Variants in OC90 observed in about 807,000 individuals in gnomAD.
OC90 encodes otoconin 90, also known as otoconin-90.
Under a neutral mutation model 47.3 loss-of-function variants are expected in OC90, and 46 were observed. That is an observed-to-expected ratio of 0.97 (90% CI 0.77 to 1.24). OC90 has a LOEUF of 1.24. Among genes scored for constraint, OC90 ranks in the 50% most tolerant of loss-of-function variants. The pLI is 0.00. For synonymous variants in OC90, 271 were observed against 219.5 expected (o/e 1.23, Z -2.07); for missense variants, 688 against 583.9 (o/e 1.18, Z -1.84).
chr8:132,041,706 GGGT>G lies in OC90; in HGVS notation c.170-10_170-8del. On this transcript the variant is annotated splice_region_variant and splice_polypyrimidine_tract_variant and intron_variant, in intron 4 of 13. Coordinates refer to ENST00000254627, the MANE Select transcript of OC90 (RefSeq NM_001080399.3). ...AAGTGGGGGCCCAGGCAATCTGTGG[GGGT>G]GGGGGGCAGGGCCTGATAAGCACTG... The G allele has an allele frequency of 1.3e-6, 2 of 1,522,452 alleles. No homozygotes were observed. Among genetic ancestry groups the G allele is most frequent in the Admixed American group, 1.7e-5 (1 of 58,652 alleles). 94.3% of individuals were successfully genotyped at this position (1,522,452 alleles called of 1,614,324 possible).
intron 9 of OC90, among the ~76,000 whole-genome samples, chr8:132,035,399 C>T (rs1468028496): frequency 3.3e-5 from 5 of 152,156 alleles, no homozygotes; most frequent in Admixed American, 2.0e-4. Flanking sequence ...AGAAAGGAGA[C>T]ACACAGAAAA....
chr8:132,033,287 A>G, intron 10 of OC90, 123 bp from the exon 11 acceptor site: 1 of 1,004,376 alleles, frequency 1.0e-6, no homozygotes, highest in Non-Finnish European at 1.5e-6. Context: ...ATGTTCCTCA[A>G]ACTGGGTTTG....
chr8:132,024,732 G>A lies in OC90; in HGVS notation c.1183C>T (p.Gln395Ter). The change falls in exon 14 of 14, where the codon CAG becomes TAG. Residue 395 changes from glutamine to a stop codon, truncating the protein, a stop_gained. Transcript: ENST00000254627. LOFTEE classifies it low-confidence loss of function (END_TRUNC). ...LCEKLLCACD[Q>*]TAAECMTSAS... ...GAGGTCATGCACTCAGCTGCCGTCT[G>A]GTCACAGGCACAGAGCAACTTCTCA... is the stretch of plus-strand genomic sequence containing the variant. 1 of 1,613,836 alleles carries A rather than the reference G, an allele frequency of 6.2e-7. No homozygotes were observed. Among genetic ancestry groups the A allele is most frequent in the Non-Finnish European group, 8.5e-7 (1 of 1,179,818 alleles).
In OC90 at chr8:132,039,019, A is replaced by C; in HGVS notation, c.562T>G (p.Ser188Ala). 1 of 1,613,954 alleles carries C rather than the reference A, an allele frequency of 6.2e-7. No homozygotes were observed. Among genetic ancestry groups the C allele is most frequent in the Non-Finnish European group, 8.5e-7 (1 of 1,179,868 alleles). ...CCTGGAGTCTGAGCCAGGCAGAAGG[A>C]GGTGTCCAGAAGGTTCAGGGAAGAG... is the stretch of plus-strand genomic sequence containing the variant. ...LNSSLNLLDT[S>A]FCLAQTPETT... Residue 188 changes from serine (S) to alanine (A), a missense_variant, in exon 7 of 14, where the codon TCC (serine) becomes GCC (alanine). By Grantham distance (99) the Ser-to-Ala change is moderately conservative (BLOSUM62 1). Coordinates refer to ENST00000254627, the MANE Select transcript of OC90 (RefSeq NM_001080399.3).
intron 6 of OC90, among the ~76,000 whole-genome samples, chr8:132,040,628 C>A (rs1037402031): frequency 1.3e-5 from 2 of 152,186 alleles, no homozygotes; most frequent in African/African-American, 4.8e-5. Context: ...GCTCCCTGTG[C>A]TAACCATTTC....
chr8:132,041,457 C>T (rs1823051267), intron 5 of OC90, 68 bp downstream of exon 5: 2 of 1,416,870 alleles, frequency 1.4e-6, no homozygotes, highest in Admixed American at 4.2e-5. Context: ...GTGCTCTTGC[C>T]AAGGTATCAG....
chr8:132,044,531 C>CT (rs915219889), intron 3 of OC90, 42 bp from the exon 4 acceptor site: 3 of 1,076,076 alleles, frequency 2.8e-6, no homozygotes, highest in African/African-American at 1.6e-5. Context: ...TTGGTTTTTC[C>CT]TTTTTTTCAC....
chr8:132,041,575 A>G lies in OC90; in HGVS notation c.294T>C (p.Gly98=), dbSNP rs201820140. ...CTTCCATCTCAAACCTGCAGGTGCAACCATAGTCTTCAAAGTCTCGGGGGC... is the reference window on the plus strand; with the variant it reads ...CTTCCATCTCAAACCTGCAGGTGCAGCCATAGTCTTCAAAGTCTCGGGGGC... ...GLCPRDFEDY[G]CTCRFEMEGL... is the part of the protein sequence containing the mutation. The change falls in exon 5 of 14, where the codon GGT becomes GGC. Residue 98 remains glycine, a synonymous_variant. Coordinates refer to ENST00000254627, the MANE Select transcript of OC90 (RefSeq NM_001080399.3). The G allele has an allele frequency of 6.5e-5, 105 of 1,612,488 alleles. 1 individual carries two copies. The South Asian group carries it at 1.1e-3, about 17-fold the overall frequency.
At chr8:132,049,790 C>G in intron 2 of OC90, 1 of 515,750 alleles carries the variant, frequency 1.9e-6, no homozygotes, top group South Asian at 1.4e-5. Flanking sequence ...AGCCAAACCA[C>G]TTAATGAACA....
intron 2 of OC90, among the ~76,000 whole-genome samples, chr8:132,052,352 T>A (rs929356895): frequency 6.6e-6 from 1 of 152,192 alleles, no homozygotes; most frequent in Non-Finnish European, 1.5e-5. Context: ...TTAATCAGCG[T>A]AATAACCAGC....
At position 132,044,605 on chromosome 8, in the gene OC90, T is replaced by C. The variant is rs887286752; in HGVS notation, c.113-116A>G. 19 of 659,920 alleles carry C rather than the reference T, an allele frequency of 2.9e-5. No homozygotes were observed. The African/African-American group carries it at 3.5e-4, about 12-fold the overall frequency. 40.9% of individuals were successfully genotyped at this position (659,920 alleles called of 1,614,324 possible). On this transcript the variant is annotated intron_variant, in intron 3 of 13. Transcript: ENST00000254627. ...TTTCTTCATTCTCCAAAGAAAAAAT[T>C]GACCTTGGGCTAAGCTAGCTTTCTA...
intron 7 of OC90, 81 bp downstream of exon 7, chr8:132,038,914 G>C: frequency 1.2e-6 from 2 of 1,604,788 alleles, no homozygotes; most frequent in Non-Finnish European, 1.7e-6. Flanking sequence ...GGCATCTAGA[G>C]ACATGAAGCA....
intron 8 of OC90, 66 bp downstream of exon 8, chr8:132,038,724 T>A (rs1823006151): frequency 7.8e-7 from 1 of 1,277,836 alleles, no homozygotes; most frequent in East Asian, 2.3e-5. Flanking sequence ...AGGAGGTGTA[T>A]CCACCGGCTC....
intron 9 of OC90, 113 bp from the exon 10 acceptor site, chr8:132,034,947 G>T (rs910684636): frequency 4.3e-6 from 3 of 694,426 alleles, no homozygotes; most frequent in South Asian, 3.7e-5. Flanking sequence ...TCTTCACTCT[G>T]CCCCTGGCCC....
chr8:132,043,032 G>A (rs1390629232), intron 4 of OC90, among the ~76,000 whole-genome samples: 8 of 152,098 alleles, frequency 5.3e-5, no homozygotes, highest in African/African-American at 1.7e-4. Context: ...CATCAACAGC[G>A]GATTGGATAA....
chr8:132,058,994 C>T (rs1823312108), intron 1 of OC90, among the ~76,000 whole-genome samples: 1 of 152,032 alleles, frequency 6.6e-6, no homozygotes, highest in African/African-American at 2.4e-5. Flanking sequence ...ATCCTCCATT[C>T]ATTTATCTCC....
intron 13 of OC90, among the ~76,000 whole-genome samples, chr8:132,025,755 T>C (rs1586704234): frequency 6.6e-6 from 1 of 152,342 alleles, no homozygotes; most frequent in Non-Finnish European, 1.5e-5. Flanking sequence ...GATGTACTTC[T>C]GTCTCTTGGC....
chr8:132,053,632 C>A (rs940341400), intron 2 of OC90, among the ~76,000 whole-genome samples: 4 of 152,216 alleles, frequency 2.6e-5, no homozygotes, highest in Non-Finnish European at 5.9e-5. Flanking sequence ...TTCCTCAGGT[C>A]CCTTCTCAGA....
At chr8:132,034,925 G>C in intron 9 of OC90, 91 bp from the exon 10 acceptor site, 1 of 846,680 alleles carries the variant, frequency 1.2e-6, no homozygotes. Context: ...CTGCACACAG[G>C]CAGCCATGTG....
Sources: gnomAD v4.1 joint callset for allele counts (sites outside exome capture counted in the v4.1 genomes callset) on GRCh38, gnomAD v4.1.1 for gene constraint, MANE v1.5 for transcripts, NCBI Gene and HGNC (gene_info 2026-07-23, HGNC 2026-07-21) for gene names.